KCNIP4: variants seen among roughly 807,000 people sequenced by gnomAD.
KCNIP4 encodes potassium voltage-gated channel interacting protein 4.
Under a neutral mutation model 34.0 loss-of-function variants are expected in KCNIP4, and 12 were observed. The ratio of observed to expected loss-of-function variants is 0.35; its 90% confidence interval spans 0.23 to 0.57. The LOEUF (loss-of-function observed/expected upper bound fraction) is 0.57, where lower values mean the gene tolerates loss of function less well. Ranked by LOEUF, KCNIP4 falls within the 20% of genes least tolerant of loss-of-function variation. The pLI, the probability that KCNIP4 is intolerant of heterozygous loss-of-function variation, is 0.83. For synonymous variants in KCNIP4, 124 were observed against 102.2 expected, an observed-to-expected ratio of 1.21 and a Z score of -1.29; for missense variants, 238 against 311.7, an observed-to-expected ratio of 0.76 and a Z score of 1.78.
intron 1 of KCNIP4, among the ~76,000 whole-genome samples, chr4:21,602,695 G>A (rs1743289758): frequency 6.6e-6 from 1 of 152,134 alleles, no homozygotes; most frequent in Admixed American, 6.6e-5. Flanking sequence ...AACAATTGTA[G>A]CTGCAACTGT....
At chr4:21,446,785 A>T (rs572107326) in intron 1 of KCNIP4, among the ~76,000 whole-genome samples, 1 of 152,244 alleles carries the variant, frequency 6.6e-6, no homozygotes, top group African/African-American at 2.4e-5. Context: ...ATTCCCAAAC[A>T]TAAAAAAAAA....
intron 1 of KCNIP4, among the ~76,000 whole-genome samples, chr4:21,735,521 G>T (rs538947126): frequency 6.6e-6 from 1 of 152,238 alleles, no homozygotes; most frequent in African/African-American, 2.4e-5. Flanking sequence ...CCAACTCCGT[G>T]TTCAATGACA....
chr4:21,341,101 G>A (rs947640547), intron 1 of KCNIP4, among the ~76,000 whole-genome samples: 3 of 152,086 alleles, frequency 2.0e-5, no homozygotes, highest in African/African-American at 7.2e-5. Context: ...AATAGAGTCA[G>A]ATTTTGGAGT....
At chr4:20,818,126 A>T (rs1206364653) in intron 3 of KCNIP4, among the ~76,000 whole-genome samples, 1 of 152,200 alleles carries the variant, frequency 6.6e-6, no homozygotes, top group Non-Finnish European at 1.5e-5. Flanking sequence ...TAATGATTGC[A>T]ATACCTCATG....
At chr4:20,942,285 G>T (rs1731720524) in intron 1 of KCNIP4, among the ~76,000 whole-genome samples, 1 of 152,130 alleles carries the variant, frequency 6.6e-6, no homozygotes, top group African/African-American at 2.4e-5. Context: ...AACCTGTAAG[G>T]CAGCCTGAAC....
At chr4:21,681,273 ATTTT>A (rs778538252) in intron 1 of KCNIP4, among the ~76,000 whole-genome samples, 1 of 141,890 alleles carries the variant, frequency 7.0e-6, no homozygotes, top group African/African-American at 2.6e-5. Flanking sequence ...GCTAATTTTA[ATTTT>A]TTTTTTTTTT....
chr4:21,797,472 T>G (rs938324038), intron 1 of KCNIP4, among the ~76,000 whole-genome samples: 3 of 51,496 alleles, frequency 5.8e-5, no homozygotes, highest in African/African-American at 1.1e-4. Context: ...AAAACATCAG[T>G]TTTTTTTTTT....
intron 1 of KCNIP4, among the ~76,000 whole-genome samples, chr4:21,494,207 A>G (rs999309941): frequency 2.6e-5 from 4 of 152,226 alleles, no homozygotes; most frequent in Admixed American, 2.0e-4. Context: ...GATTTATGAG[A>G]AGACAAATAT....
intron 1 of KCNIP4, among the ~76,000 whole-genome samples, chr4:21,574,396 T>C (rs1371884621): frequency 1.3e-5 from 2 of 151,948 alleles, no homozygotes; most frequent in Non-Finnish European, 2.9e-5. Context: ...TATTTATATA[T>C]TTAAATAATT....
chr4:21,229,440 C>T (rs763413582), intron 1 of KCNIP4, among the ~76,000 whole-genome samples: 5 of 152,218 alleles, frequency 3.3e-5, no homozygotes, highest in Non-Finnish European at 4.4e-5. Flanking sequence ...GCATTACTTA[C>T]TCTCTGTAAG....
chr4:21,588,729 T>G (rs1741859388), intron 1 of KCNIP4, among the ~76,000 whole-genome samples: 1 of 151,944 alleles, frequency 6.6e-6, no homozygotes, highest in African/African-American at 2.4e-5. Flanking sequence ...GTAATTGAAA[T>G]CTACTCTGTC....
rs184010052 is a variant in KCNIP4 at position 21,410,810 on chromosome 4, A to G, written c.62-528101T>C. Among the ~76,000 whole-genome samples the G allele has an allele frequency of 1.6e-3, 242 of 152,286 alleles. 1 individual carries two copies. Among genetic ancestry groups the G allele is most frequent in the Non-Finnish European group, 2.7e-3 (185 of 68,020 alleles). On this transcript the variant is annotated intron_variant, in intron 1 of 8. Transcript: ENST00000382152. ...GTAAAAGCATGTTATTTAAGGAGAA[A>G]TTTATCCTATGTTTTCTGACCTTTC...
intron 1 of KCNIP4, among the ~76,000 whole-genome samples, chr4:21,895,347 A>G (rs1448960708): frequency 6.6e-6 from 1 of 152,168 alleles, no homozygotes; most frequent in Non-Finnish European, 1.5e-5. Flanking sequence ...GGTACTTGAA[A>G]TATAGAGTTA....
intron 1 of KCNIP4, among the ~76,000 whole-genome samples, chr4:21,082,913 A>ATCT (rs397992490): frequency 6.6e-6 from 1 of 150,746 alleles, no homozygotes; most frequent in African/African-American, 2.5e-5. Flanking sequence ...CTATCTATCT[A>ATCT]AAATTTATGT....
intron 3 of KCNIP4, among the ~76,000 whole-genome samples, chr4:20,815,870 A>T (rs1716310129): frequency 6.6e-6 from 1 of 152,154 alleles, no homozygotes; most frequent in East Asian, 1.9e-4. Flanking sequence ...AGGTCAAATA[A>T]CTTTCTCAAG....
rs193172837 is a variant in KCNIP4 at position 21,738,923 on chromosome 4, T to C, written c.61+209648A>G. ...GTTTGGAGAATAGAAATTGTGGTTA[T>C]TGAATGACATTATTATAAGACACAA... On this transcript the variant is annotated intron_variant, in intron 1 of 8. Transcript: ENST00000382152. Among the ~76,000 whole-genome samples, 7 of 152,272 alleles carry C rather than the reference T, an allele frequency of 4.6e-5. No homozygotes were observed. In the East Asian group the frequency reaches 5.8e-4, roughly 13 times the overall value.
chr4:21,262,629 T>G (rs1761543426), intron 1 of KCNIP4, among the ~76,000 whole-genome samples: 2 of 152,192 alleles, frequency 1.3e-5, no homozygotes, highest in Admixed American at 1.3e-4. Flanking sequence ...TCTCCTTCCC[T>G]TTCTGGACCT....
chr4:21,604,494 C>A (rs1743475655), intron 1 of KCNIP4, among the ~76,000 whole-genome samples: 1 of 151,934 alleles, frequency 6.6e-6, no homozygotes, highest in Non-Finnish European at 1.5e-5. Flanking sequence ...TACAGTAATA[C>A]CACCTCTATC....
rs536337154 is a variant in KCNIP4, at chr4:21,039,042, G to A, written c.62-156333C>T. On this transcript the variant is annotated intron_variant, in intron 1 of 8. Coordinates refer to ENST00000382152, the MANE Select transcript of KCNIP4 (RefSeq NM_025221.6). The stretch of plus-strand genomic sequence containing the variant: ...GAGAGTGAAGCTAGAAGAGGCAGAC[G>A]TGGGATAGCTATATCCTTGGCAATA... Among the ~76,000 whole-genome samples, 14 of 152,202 alleles carry A rather than the reference G, an allele frequency of 9.2e-5. No individual in the cohort carries two copies. In the South Asian group the frequency reaches 1.9e-3, roughly 20 times the overall value.
Sources: allele counts gnomAD v4.1 joint callset (sites outside exome capture counted in the v4.1 genomes callset), GRCh38; gene constraint gnomAD v4.1.1; transcripts MANE v1.5; gene names NCBI Gene and HGNC (gene_info 2026-07-23, HGNC 2026-07-21).